The following LRP6 variants were observed in gnomAD, a reference collection of about 807,000 sequenced individuals.
LRP6 encodes low-density lipoprotein receptor-related protein 6.
LRP6 carries 43 observed loss-of-function variants against 184.1 expected under a neutral mutation model. The observed-to-expected ratio is 0.23, with a 90% CI of 0.18 to 0.30. LRP6 has a LOEUF of 0.30. Among genes scored for constraint, LRP6 ranks in the 10% least tolerant of loss-of-function variants. The pLI is 1.00. For synonymous variants in LRP6, 719 were observed against 684.9 expected, an observed-to-expected ratio of 1.05 and a Z score of -0.78; for missense variants, 1,571 against 2,005.3, an observed-to-expected ratio of 0.78 and a Z score of 4.14.
chr12:12,208,989 A>G (rs1383191291), intron 2 of LRP6, among the ~76,000 whole-genome samples: 3 of 152,200 alleles, frequency 2.0e-5, no homozygotes, highest in African/African-American at 7.2e-5. Context: ...ATTAATGCAT[A>G]AAATGAAAAC....
At chr12:12,230,878 C>T (rs1258356558) in intron 2 of LRP6, among the ~76,000 whole-genome samples, 1 of 151,888 alleles carries the variant, frequency 6.6e-6, no homozygotes, top group East Asian at 1.9e-4. Flanking sequence ...CAAAAATGAA[C>T]AGGAAAGTAA....
intron 7 of LRP6, among the ~76,000 whole-genome samples, chr12:12,166,999 T>A (rs553929529): frequency 1.6e-4 from 24 of 152,222 alleles, no homozygotes; most frequent in African/African-American, 5.8e-4. Context: ...CTAGGGAGGC[T>A]AAAGCAGGCA....
At position 12,121,440 on chromosome 12, in the gene LRP6, A is replaced by G. The variant is rs1949605024; in HGVS notation, c.4548-20T>C. 1 of 1,612,440 alleles carries G rather than the reference A, an allele frequency of 6.2e-7. No homozygotes were observed. Among genetic ancestry groups the G allele is most frequent in the South Asian group, 1.1e-5 (1 of 91,056 alleles). ...CTGTAGCTGGTATAGGGAGAAAATA[A>G]AGAGAAGCAGTTAGTTTTACAAAAA... On this transcript the variant is annotated intron_variant, in intron 22 of 22. Coordinates refer to ENST00000261349, the MANE Select transcript of LRP6 (RefSeq NM_002336.3).
intron 1 of LRP6, chr12:12,249,244 C>G: frequency 1.1e-6 from 1 of 919,260 alleles, no homozygotes; most frequent in Middle Eastern, 2.6e-4. Flanking sequence ...AGATTTGTAA[C>G]AAAAAATTAA....
intron 15 of LRP6, among the ~76,000 whole-genome samples, chr12:12,141,170 G>T (rs1387394340): frequency 2.0e-5 from 3 of 151,584 alleles, no homozygotes; most frequent in African/African-American, 7.3e-5. Context: ...AGAAGGGAAT[G>T]ATGAGAAAGG....
chr12:12,223,079 C>T (rs1246215549), intron 2 of LRP6, among the ~76,000 whole-genome samples: 7 of 150,308 alleles, frequency 4.7e-5, no homozygotes, highest in Admixed American at 2.0e-4. Flanking sequence ...AACCTCCACA[C>T]AGGCCATTAG....
chr12:12,242,405 A>G (rs1410673178), intron 2 of LRP6, among the ~76,000 whole-genome samples: 1 of 152,200 alleles, frequency 6.6e-6, no homozygotes, highest in Non-Finnish European at 1.5e-5. Flanking sequence ...TCACCCTTAC[A>G]GTGGTAAAAT....
At chr12:12,145,624 C>CTTTTTTTTT (rs1157764946) in intron 15 of LRP6, among the ~76,000 whole-genome samples, 13 of 80,302 alleles carry the variant, frequency 1.6e-4, no homozygotes, top group Admixed American at 3.3e-4. Flanking sequence ...TTTTCTTTTT[C>CTTTTTTTTT]TTTTTTTTTT....
chr12:12,155,103 G>A (rs1950132586), intron 12 of LRP6, among the ~76,000 whole-genome samples: 1 of 152,172 alleles, frequency 6.6e-6, no homozygotes, highest in Non-Finnish European at 1.5e-5. Flanking sequence ...GGCTAAGACA[G>A]GAGAATCACT....
rs563629757 is a variant in LRP6 at position 12,116,948 on chromosome 12, C to T, written c.*4178G>A. 18 of 152,104 alleles carry T rather than the reference C, an allele frequency of 1.2e-4. No individual in the cohort carries two copies. Among genetic ancestry groups the T allele is most frequent in the Middle Eastern group, 3.4e-3 (1 of 294 alleles). 9.4% of individuals were successfully genotyped at this position (152,104 alleles called of 1,614,324 possible). On this transcript the variant is annotated 3_prime_UTR_variant, in exon 23 of 23. Transcript: ENST00000261349. ...AGCCTGAGAGTGTGAATTCACAATA[C>T]TTATAATTTAAATTTTAAAAAAATT...
At chr12:12,224,480 C>A (rs1033535848) in intron 2 of LRP6, among the ~76,000 whole-genome samples, 15 of 151,954 alleles carry the variant, frequency 9.9e-5, no homozygotes, top group Non-Finnish European at 2.1e-4. Flanking sequence ...TTCAAGATTA[C>A]TAACAGTTGT....
intron 12 of LRP6, among the ~76,000 whole-genome samples, chr12:12,156,300 A>G (rs1213344418): frequency 6.6e-6 from 1 of 152,218 alleles, no homozygotes; most frequent in Admixed American, 6.5e-5. Context: ...AGAGTAAACA[A>G]GCAGTTCAAC....
At chr12:12,201,983 T>C (rs1436307137) in intron 3 of LRP6, among the ~76,000 whole-genome samples, 1 of 152,228 alleles carries the variant, frequency 6.6e-6, no homozygotes, top group Non-Finnish European at 1.5e-5. Context: ...AAATGTTTAT[T>C]ATACTTTGAA....
chr12:12,148,980 C>G lies in LRP6; in HGVS notation c.3168G>C (p.Gln1056His). The change falls in exon 14 of 23, where the codon CAG (glutamine) becomes CAC (histidine). Residue 1056 changes from glutamine to histidine, a missense_variant. By Grantham distance (24) the Gln-to-His change is conservative. This residue lies in a region of LRP6 where 763 missense variants were observed against 859.5 expected (regional missense o/e 0.89). Coordinates refer to ENST00000261349, the MANE Select transcript of LRP6 (RefSeq NM_002336.3). ...TTACCACAACGGCTCGAGGTCTGTC[C>G]TGCTCGCCTTTCAGCACCACTCCAA... Reference protein sequence around the residue: ...RSVGVVLKGEQDRPRAVVVNP... With the variant: ...RSVGVVLKGEHDRPRAVVVNP... The G allele has an allele frequency of 1.2e-6, 2 of 1,613,822 alleles. No individual in the cohort carries two copies. The highest frequency in any genetic ancestry group is 4.5e-5 in the East Asian group (2 of 44,882).
chr12:12,199,964 CAAAAAAAAAAAAA>C (rs146224493), intron 3 of LRP6, among the ~76,000 whole-genome samples: 24 of 45,204 alleles, frequency 5.3e-4, no homozygotes, highest in African/African-American at 1.8e-3. Flanking sequence ...GACTCCATCT[CAAAAAAAAAAAAA>C]AAAAAAAAAA....
chr12:12,238,141 A>G (rs546689101), intron 2 of LRP6, among the ~76,000 whole-genome samples: 1 of 152,168 alleles, frequency 6.6e-6, no homozygotes, highest in East Asian at 1.9e-4. Context: ...AGTCACTGAT[A>G]TTAAAACCTC....
chr12:12,230,180 A>C (rs936880362), intron 2 of LRP6, among the ~76,000 whole-genome samples: 2 of 152,252 alleles, frequency 1.3e-5, no homozygotes, highest in Non-Finnish European at 2.9e-5. Flanking sequence ...TAAGTTTTCA[A>C]GATGTCACAA....
intron 2 of LRP6, among the ~76,000 whole-genome samples, chr12:12,219,244 G>C (rs551848508): frequency 1.3e-5 from 2 of 151,984 alleles, no homozygotes; most frequent in African/African-American, 4.8e-5. Flanking sequence ...TCACTCTGTC[G>C]CCCAGGCTGG....
At position 12,186,950 on chromosome 12, in the gene LRP6, C is replaced by T. The variant is rs564421371; in HGVS notation, c.817G>A (p.Ala273Thr). The T allele has an allele frequency of 2.5e-6, 4 of 1,614,168 alleles. No homozygotes were observed. In the Admixed American group the frequency reaches 5.0e-5, roughly 20 times the overall value. The change falls in exon 4 of 23, where the codon GCC becomes ACC. Residue 273 changes from alanine to threonine, a missense_variant. Physicochemically the swap from Ala to Thr is moderately conservative, Grantham distance 58. Around this residue, in one of 4 missense-constraint regions of LRP6, gnomAD observed 640 missense variants for 851.9 expected, o/e 0.75. Coordinates refer to ENST00000261349, the MANE Select transcript of LRP6 (RefSeq NM_002336.3). ...TTTGGCTGCCTCTGTTGGCTGAAGG[C>T]ATGTATATCCATGGGAGAGAAGATG... ...SDIFSPMDIHAFSQQRQPNAT... is the reference protein window; with the variant it reads ...SDIFSPMDIHTFSQQRQPNAT...
Sources: allele counts gnomAD v4.1 joint callset (sites outside exome capture counted in the v4.1 genomes callset), GRCh38; gene constraint gnomAD v4.1.1; regional missense constraint gnomAD v4.1.1; transcripts MANE v1.5; gene names NCBI Gene and HGNC (gene_info 2026-07-23, HGNC 2026-07-21).